CSMD2: variants seen among roughly 807,000 people sequenced by gnomAD.
CSMD2 encodes CUB and sushi domain-containing protein 2.
Under a neutral mutation model 398.5 loss-of-function variants are expected in CSMD2, and 130 were observed. The observed-to-expected ratio is 0.33, with a 90% CI of 0.28 to 0.38. CSMD2 has a LOEUF of 0.38. Ranked by LOEUF, CSMD2 falls within the 10% of genes least tolerant of loss-of-function variation. The probability of loss-of-function intolerance (pLI) is 1.00; values close to 1 mark genes in which losing one functional copy is unlikely to be tolerated. For synonymous variants in CSMD2, 1,828 were observed against 1,908.5 expected (o/e 0.96, Z 1.10); for missense variants, 3,829 against 4,764.9 (o/e 0.80, Z 5.78).
At chr1:33,900,046 G>A (rs1389860664) in intron 5 of CSMD2, among the ~76,000 whole-genome samples, 5 of 152,190 alleles carry the variant, frequency 3.3e-5, no homozygotes, top group South Asian at 4.1e-4. Context: ...GGAGGCTCTG[G>A]GAGCAGGGTG....
At chr1:33,830,881 T>C (rs1659465789) in intron 6 of CSMD2, among the ~76,000 whole-genome samples, 1 of 152,120 alleles carries the variant, frequency 6.6e-6, no homozygotes, top group South Asian at 2.1e-4. Flanking sequence ...CCTCAGGAGC[T>C]GAAGTGATCA....
At chr1:33,934,183 TA>T (rs1296662788) in intron 4 of CSMD2, among the ~76,000 whole-genome samples, 1 of 152,156 alleles carries the variant, frequency 6.6e-6, no homozygotes, top group Non-Finnish European at 1.5e-5. Context: ...AAATTTGAAC[TA>T]AAGGAGGAGC....
intron 2 of CSMD2, among the ~76,000 whole-genome samples, chr1:34,052,262 TAATA>T (rs1482703899): frequency 6.6e-6 from 1 of 151,384 alleles, no homozygotes; most frequent in Non-Finnish European, 1.5e-5. Context: ...AAATATTAAA[TAATA>T]AATAATATTA....
rs1192277402 is a variant in CSMD2, at chr1:34,087,267, C to T, written c.404+1710G>A. Among the ~76,000 whole-genome samples the T allele has an allele frequency of 2.0e-5, 3 of 152,136 alleles. No homozygotes were observed. The East Asian group carries it at 5.8e-4, about 30-fold the overall frequency. ...CTGGGAAAGACCATCCCTGACCACC[C>T]TATAAAAACCAGCAATCACAGCCAT... On this transcript the variant is annotated intron_variant, in intron 2 of 70. Coordinates refer to ENST00000373381, the MANE Select transcript of CSMD2 (RefSeq NM_001281956.2).
intron 1 of CSMD2, among the ~76,000 whole-genome samples, chr1:34,123,211 G>A (rs981598136): frequency 6.6e-6 from 1 of 152,212 alleles, no homozygotes; most frequent in African/African-American, 2.4e-5. Flanking sequence ...GAAAGGGACA[G>A]GGGCTGAAGG....
chr1:33,960,195 T>TCCTCA (rs1307327325), intron 3 of CSMD2, among the ~76,000 whole-genome samples: 1 of 152,054 alleles, frequency 6.6e-6, no homozygotes, highest in African/African-American at 2.4e-5. Flanking sequence ...CCTATATTCT[T>TCCTCA]CCTCAGGTGG....
intron 5 of CSMD2, among the ~76,000 whole-genome samples, chr1:33,906,630 G>A (rs1643107739): frequency 6.6e-6 from 1 of 152,208 alleles, no homozygotes; most frequent in Non-Finnish European, 1.5e-5. Flanking sequence ...CATAAACTAG[G>A]AAAGGACACA....
chr1:34,041,064 G>T (rs1651786138), intron 2 of CSMD2, among the ~76,000 whole-genome samples: 1 of 152,152 alleles, frequency 6.6e-6, no homozygotes, highest in Non-Finnish European at 1.5e-5. Context: ...GTTTGAGGCT[G>T]CAGTGAGCTA....
At chr1:33,947,090 C>A (rs1427703214) in intron 3 of CSMD2, among the ~76,000 whole-genome samples, 1 of 152,210 alleles carries the variant, frequency 6.6e-6, no homozygotes, top group Non-Finnish European at 1.5e-5. Context: ...AGCCCTGAAC[C>A]AATCCTGGCA....
intron 25 of CSMD2, 78 bp from the exon 26 acceptor site, chr1:33,663,170 C>G: frequency 8.2e-7 from 1 of 1,226,042 alleles, no homozygotes; most frequent in Non-Finnish European, 1.2e-6. Flanking sequence ...GGTCCTAAAC[C>G]TACGAAGACT....
intron 22 of CSMD2, among the ~76,000 whole-genome samples, chr1:33,707,742 C>A (rs914359409): frequency 6.8e-6 from 1 of 146,814 alleles, no homozygotes; most frequent in African/African-American, 2.5e-5. Flanking sequence ...CACACACACA[C>A]ACCATACACC....
intron 5 of CSMD2, among the ~76,000 whole-genome samples, chr1:33,909,236 G>T (rs1419516933): frequency 6.6e-6 from 1 of 152,086 alleles, no homozygotes; most frequent in Admixed American, 6.5e-5. Flanking sequence ...CGAAGTTCAG[G>T]AGCAAATAGG....
chr1:33,973,290 G>A (rs973520054), intron 3 of CSMD2, among the ~76,000 whole-genome samples: 6 of 152,224 alleles, frequency 3.9e-5, no homozygotes, highest in Admixed American at 2.6e-4. Context: ...GGAGGAGGAG[G>A]CAGTGCAGAC....
intron 15 of CSMD2, 25 bp from the exon 16 acceptor site, chr1:33,726,710 C>T: frequency 1.3e-6 from 2 of 1,594,554 alleles, no homozygotes; most frequent in South Asian, 1.1e-5. Flanking sequence ...GGAAGAGAGG[C>T]AGCTTTCTTC....
intron 3 of CSMD2, among the ~76,000 whole-genome samples, chr1:33,988,048 A>C (rs1167402020): frequency 6.6e-6 from 1 of 152,204 alleles, no homozygotes; most frequent in Admixed American, 6.5e-5. Context: ...TACCAAGTGC[A>C]TTTAAGACTT....
In CSMD2 at chr1:34,164,281, C is replaced by A. The variant is rs1641653327; in HGVS notation, c.187+630G>T. On this transcript the variant is annotated intron_variant, in intron 1 of 70. Transcript: ENST00000373381. This position sits in a 1 kb window ranked among gnomAD's most constrained non-coding sequence, Gnocchi z 6.2. The stretch of plus-strand genomic sequence containing the variant: ...ACCCTCCTGCAAGGAATGCGCGGGA[C>A]CCCCACCGTGGGCACGCGTCCACCT... Among the ~76,000 whole-genome samples, 1 of 151,998 alleles carries A rather than the reference C, an allele frequency of 6.6e-6. No individual in the cohort carries two copies. Among genetic ancestry groups the A allele is most frequent in the African/African-American group, 2.4e-5 (1 of 41,424 alleles).
At chr1:33,523,692 T>C (rs1199062467) in intron 66 of CSMD2, among the ~76,000 whole-genome samples, 3 of 152,220 alleles carry the variant, frequency 2.0e-5, no homozygotes, top group African/African-American at 7.2e-5. Context: ...CACAGGCATG[T>C]GTGAGAATAT....
At chr1:33,688,062 T>A (rs1645113953) in intron 25 of CSMD2, among the ~76,000 whole-genome samples, 1 of 152,218 alleles carries the variant, frequency 6.6e-6, no homozygotes, top group Admixed American at 6.5e-5. Context: ...TTTGAGGTCA[T>A]GTATCAAAAT....
intron 12 of CSMD2, among the ~76,000 whole-genome samples, chr1:33,775,704 G>A (rs756678232): frequency 3.9e-5 from 6 of 152,176 alleles, no homozygotes; most frequent in Admixed American, 1.3e-4. Context: ...TATCTAGCAG[G>A]AAGTGGCTAT....
Sources: gnomAD v4.1 joint callset for allele counts (sites outside exome capture counted in the v4.1 genomes callset) on GRCh38, gnomAD v4.1.1 for gene constraint, Gnocchi (gnomAD v3.1) non-coding constraint, MANE v1.5 for transcripts, NCBI Gene and HGNC (gene_info 2026-07-23, HGNC 2026-07-21) for gene names.